The following TRIM36 variants were observed in gnomAD, a reference collection of about 807,000 sequenced individuals.
The protein encoded by TRIM36 is E3 ubiquitin-protein ligase TRIM36.
A neutral mutation model predicts 72.4 loss-of-function variants in TRIM36; 42 were observed. That is an observed-to-expected ratio of 0.58 (90% CI 0.45 to 0.75). TRIM36 has a LOEUF of 0.75. Ranked by LOEUF, TRIM36 falls within the 30% of genes least tolerant of loss-of-function variation. TRIM36 has a pLI of 0.00. For missense variants in TRIM36, 913 were observed against 857.1 expected, an observed-to-expected ratio of 1.07 and a Z score of -0.81; for synonymous variants, 315 against 282.8, an observed-to-expected ratio of 1.11 and a Z score of -1.14.
intron 2 of TRIM36, among the ~76,000 whole-genome samples, chr5:115,151,253 C>T (rs1356960687): frequency 6.6e-6 from 1 of 152,124 alleles, no homozygotes; most frequent in Non-Finnish European, 1.5e-5. Context: ...CTGTGACTGC[C>T]GGCTTTCCTT....
intron 2 of TRIM36, among the ~76,000 whole-genome samples, chr5:115,157,543 G>A (rs865913169): frequency 1.3e-5 from 2 of 151,816 alleles, no homozygotes; most frequent in Admixed American, 6.6e-5. Context: ...CAGCCTGAGC[G>A]ACAACAGCGA....
At chr5:115,131,567 A>G (rs1752678592) in intron 8 of TRIM36, among the ~76,000 whole-genome samples, 3 of 152,210 alleles carry the variant, frequency 2.0e-5, no homozygotes, top group African/African-American at 4.8e-5. Context: ...GAAACAACAG[A>G]AAGTCCATCA....
intron 8 of TRIM36, among the ~76,000 whole-genome samples, chr5:115,131,691 G>A (rs565595498): frequency 1.8e-4 from 28 of 152,248 alleles, no homozygotes; most frequent in Non-Finnish European, 3.7e-4. Context: ...CATACATTTG[G>A]ATACATGCTA....
chr5:115,172,064 T>C (rs540332870), upstream of TRIM36, among the ~76,000 whole-genome samples: 140 of 152,352 alleles, frequency 9.2e-4, no homozygotes, highest in Admixed American at 1.8e-3. Context: ...TAAAAATTTT[T>C]GAATATTTTT....
chr5:115,171,196 G>A (rs1755102088), upstream of TRIM36: 1 of 1,614,206 alleles, frequency 6.2e-7, no homozygotes, highest in Non-Finnish European at 8.5e-7. Flanking sequence ...CCTGTCTGCA[G>A]CGGTAGCCTC....
rs1162047776 is a variant in TRIM36 at position 115,141,370 on chromosome 5, T to C, written c.740A>G (p.Lys247Arg). 6.3e-7 allele frequency: 1 copy of C among 1,583,084 alleles called. No homozygotes were observed. The highest frequency in any genetic ancestry group is 2.0e-5 in the Admixed American group (1 of 51,254). ...AAGGTAATCAATATCCTTTGAAAGCTTTTCCTGTTGAAACATATTCGTAAC... is the reference window on the plus strand; with the variant it reads ...AAGGTAATCAATATCCTTTGAAAGCCTTTCCTGTTGAAACATATTCGTAAC... ...MSSAYKTLKE[K>R]LSKDIDYLIG... Residue 247 changes from lysine (K) to arginine (R), a missense_variant, in exon 5 of 10, where the codon AAG (lysine) becomes AGG (arginine). Lys to Arg is a conservative substitution (Grantham distance 26, BLOSUM62 2). Transcript: ENST00000513154.
intron 8 of TRIM36, among the ~76,000 whole-genome samples, chr5:115,133,239 TTTAAAG>T (rs1213341786): frequency 1.3e-5 from 2 of 152,222 alleles, no homozygotes; most frequent in Admixed American, 1.3e-4. Context: ...TCAACGAACC[TTTAAAG>T]TCATTCACAT....
Position 115,166,795 on chromosome 5 carries a change from C to T in TRIM36, c.27+2813G>A, listed in dbSNP as rs185490447. Among the ~76,000 whole-genome samples, 14 of 152,296 alleles carry T rather than the reference C, an allele frequency of 9.2e-5. 1 individual carries two copies. The highest frequency in any genetic ancestry group is 2.6e-4 in the African/African-American group (11 of 41,568). On this transcript the variant is annotated intron_variant, in intron 1 of 9. Transcript: ENST00000513154. ...ATCCTCTTTGTGGCTCTGCAGTTGCCGGCATCTCCAAGTTTCTGGGTGCCA... is the reference window on the plus strand; with the variant it reads ...ATCCTCTTTGTGGCTCTGCAGTTGCTGGCATCTCCAAGTTTCTGGGTGCCA...
At chr5:115,171,004 G>A, upstream of TRIM36, 3 of 1,539,888 alleles carry the variant, frequency 1.9e-6, no homozygotes, top group East Asian at 4.5e-5. Context: ...TGCCTTTCTG[G>A]CTAGCTAAAC....
chr5:115,164,910 T>G (rs1754680670), intron 1 of TRIM36, among the ~76,000 whole-genome samples: 1 of 152,214 alleles, frequency 6.6e-6, no homozygotes, highest in African/African-American at 2.4e-5. Flanking sequence ...GTACAGGCAT[T>G]GGACAAATGC....
intron 7 of TRIM36, among the ~76,000 whole-genome samples, chr5:115,135,660 G>T (rs993384695): frequency 6.6e-6 from 1 of 152,040 alleles, no homozygotes. Context: ...CCACAGGGAG[G>T]GAGGACCTAG....
intron 1 of TRIM36, among the ~76,000 whole-genome samples, chr5:115,167,686 C>T (rs1167501614): frequency 6.6e-6 from 1 of 152,198 alleles, no homozygotes; most frequent in Non-Finnish European, 1.5e-5. Flanking sequence ...TAGGAAGTTC[C>T]AAACTTTCCC....
chr5:115,130,914 C>A (rs762245829), intron 8 of TRIM36, 25 bp from the exon 9 acceptor site: 2 of 1,587,214 alleles, frequency 1.3e-6, no homozygotes, highest in African/African-American at 2.7e-5. Context: ...AAATTAATAT[C>A]AGGCTAAAAA....
chr5:115,171,070 T>C (rs1436849770), upstream of TRIM36: 3 of 1,613,830 alleles, frequency 1.9e-6, no homozygotes, highest in Admixed American at 5.0e-5. Context: ...GCTGGGTAAG[T>C]AGGGACTACA....
At chr5:115,140,201 T>G (rs1002764027) in intron 5 of TRIM36, among the ~76,000 whole-genome samples, 1 of 152,136 alleles carries the variant, frequency 6.6e-6, no homozygotes, top group African/African-American at 2.4e-5. Context: ...CAACCTATAT[T>G]GGAAAAAAAC....
chr5:115,138,390 C>T (rs954915792), intron 5 of TRIM36, among the ~76,000 whole-genome samples: 3 of 152,068 alleles, frequency 2.0e-5, no homozygotes, highest in Admixed American at 6.6e-5. Context: ...TGAGCCACCG[C>T]GCCTGGCCTA....
chr5:115,140,590 C>T (rs191862709), intron 5 of TRIM36, among the ~76,000 whole-genome samples: 4 of 152,234 alleles, frequency 2.6e-5, no homozygotes, highest in East Asian at 3.9e-4. Context: ...AACCTACCCC[C>T]CTCCTCAACT....
chr5:115,153,194 G>A (rs1456337943), intron 2 of TRIM36, among the ~76,000 whole-genome samples: 1 of 152,148 alleles, frequency 6.6e-6, no homozygotes, highest in East Asian at 1.9e-4. Flanking sequence ...GGTGGAAAAA[G>A]ACATTTCATG....
intron 3 of TRIM36, among the ~76,000 whole-genome samples, chr5:115,146,426 A>G (rs1453992137): frequency 6.6e-6 from 1 of 152,206 alleles, no homozygotes; most frequent in Non-Finnish European, 1.5e-5. Flanking sequence ...TTTAAAATCT[A>G]TATACATCAG....
Sources: allele counts gnomAD v4.1 joint callset (sites outside exome capture counted in the v4.1 genomes callset), GRCh38; gene constraint gnomAD v4.1.1; transcripts MANE v1.5; gene names NCBI Gene and HGNC (gene_info 2026-07-23, HGNC 2026-07-21).